The following LTBP1 variants were observed in gnomAD, a reference collection of about 807,000 sequenced individuals.
The protein encoded by LTBP1 is latent-transforming growth factor beta-binding protein 1.
Under a neutral mutation model 207.6 loss-of-function variants are expected in LTBP1, and 129 were observed. That is an observed-to-expected ratio of 0.62 (90% CI 0.54 to 0.72). LTBP1 has a LOEUF of 0.72. Ranked by LOEUF, LTBP1 falls within the 30% of genes least tolerant of loss-of-function variation. The pLI, the probability that LTBP1 is intolerant of heterozygous loss-of-function variation, is 0.00. For synonymous variants in LTBP1, 963 were observed against 833.7 expected (o/e 1.16, Z -2.67); for missense variants, 2,281 against 2,217.2 (o/e 1.03, Z -0.58).
intron 2 of LTBP1, among the ~76,000 whole-genome samples, chr2:32,967,072 T>C (rs936074295): frequency 6.6e-6 from 1 of 152,174 alleles, no homozygotes; most frequent in Admixed American, 6.5e-5. Flanking sequence ...TTTTAAGGAA[T>C]TGATCCATTT....
At chr2:33,085,059 A>T (rs2078670983) in intron 3 of LTBP1, among the ~76,000 whole-genome samples, 1 of 152,246 alleles carries the variant, frequency 6.6e-6, no homozygotes, top group African/African-American at 2.4e-5. Flanking sequence ...TAGAAGACAC[A>T]GAAGAGAAGA....
At chr2:33,089,407 G>A (rs1030391492) in intron 3 of LTBP1, among the ~76,000 whole-genome samples, 4 of 152,160 alleles carry the variant, frequency 2.6e-5, no homozygotes, top group South Asian at 2.1e-4. Flanking sequence ...TGCCCTCCAC[G>A]TGACATGTGG....
At chr2:33,035,569 G>A (rs1558542702) in intron 3 of LTBP1, among the ~76,000 whole-genome samples, 1 of 152,082 alleles carries the variant, frequency 6.6e-6, no homozygotes, top group African/African-American at 2.4e-5. Flanking sequence ...ATTCTTTTTG[G>A]GTTGTTTTAT....
At chr2:33,354,713 CA>C (rs2094833557) in intron 26 of LTBP1, among the ~76,000 whole-genome samples, 4 of 135,052 alleles carry the variant, frequency 3.0e-5, no homozygotes, top group Admixed American at 7.6e-5. Flanking sequence ...CACACACACA[CA>C]CACACACACA....
chr2:33,240,068 A>G (rs2092247780), intron 9 of LTBP1, among the ~76,000 whole-genome samples: 1 of 152,230 alleles, frequency 6.6e-6, no homozygotes, highest in Non-Finnish European at 1.5e-5. Flanking sequence ...TAGGCAATGA[A>G]GTCCAAATAG....
In LTBP1 at chr2:33,211,517, G is replaced by A. The variant is rs750541317; in HGVS notation, c.1702-6035G>A. Among the ~76,000 whole-genome samples, 5 of 152,158 alleles carry A rather than the reference G, an allele frequency of 3.3e-5. No individual in the cohort carries two copies. The South Asian group carries it at 1.0e-3, about 32-fold the overall frequency. On this transcript the variant is annotated intron_variant, in intron 7 of 33. Transcript: ENST00000404816. ...GATTACTGGCTCAGAGAGGTTGGATGATTTGCTGAACTTCTCACTGCTAGT... is the reference window on the plus strand; with the variant it reads ...GATTACTGGCTCAGAGAGGTTGGATAATTTGCTGAACTTCTCACTGCTAGT...
intron 19 of LTBP1, among the ~76,000 whole-genome samples, chr2:33,289,827 A>G (rs1440102308): frequency 6.6e-6 from 1 of 152,208 alleles, no homozygotes; most frequent in Non-Finnish European, 1.5e-5. Context: ...GAGCTCTACC[A>G]TGAAAACCAG....
At chr2:33,067,601 A>G (rs1418586991) in intron 3 of LTBP1, among the ~76,000 whole-genome samples, 1 of 152,224 alleles carries the variant, frequency 6.6e-6, no homozygotes, top group African/African-American at 2.4e-5. Flanking sequence ...CTTTTTGATC[A>G]TTATTCTCTA....
chr2:33,263,532 C>G, intron 15 of LTBP1, 140 bp downstream of exon 15: 1 of 576,522 alleles, frequency 1.7e-6, no homozygotes, highest in Non-Finnish European at 3.1e-6. Context: ...CATCTAAATA[C>G]AGTTAAAAAG....
chr2:33,040,764 T>C (rs2076143886), intron 3 of LTBP1, among the ~76,000 whole-genome samples: 1 of 152,138 alleles, frequency 6.6e-6, no homozygotes, highest in Non-Finnish European at 1.5e-5. Context: ...CATAGAGCAG[T>C]TGGAACAGAG....
At chr2:33,290,279 C>T (rs1424667108) in intron 19 of LTBP1, among the ~76,000 whole-genome samples, 1 of 152,194 alleles carries the variant, frequency 6.6e-6, no homozygotes, top group African/African-American at 2.4e-5. Context: ...GACAACCAAG[C>T]CTCAACATGA....
intron 2 of LTBP1, among the ~76,000 whole-genome samples, chr2:32,981,839 G>T (rs149741885): frequency 6.6e-6 from 1 of 152,164 alleles, no homozygotes. Flanking sequence ...CATGTAAGAC[G>T]TGCTTTTGCT....
rs755289368 is a variant in LTBP1, at chr2:32,947,713, C to G, written c.389C>G (p.Pro130Arg). 12 of 1,532,926 alleles carry G rather than the reference C, an allele frequency of 7.8e-6. No homozygotes were observed. The East Asian group carries it at 2.2e-4, about 28-fold the overall frequency. 95.0% of individuals were successfully genotyped at this position (1,532,926 alleles called of 1,614,324 possible). The change falls in exon 1 of 34, where the codon CCG (proline) becomes CGG (arginine). Residue 130 changes from proline to arginine, a missense_variant. Physicochemically the swap from Pro to Arg is moderately radical, Grantham distance 103. This residue lies in a region of LTBP1 where 555 missense variants were observed against 491.0 expected (regional missense o/e 1.13). Transcript: ENST00000404816. ...CCCGGCGGCCACCCGGCAGCCGCCC[C>G]GTTCACCAAACAAGGCAGGCAAGTT... is the stretch of plus-strand genomic sequence containing the variant. ...PNPGGHPAAA[P>R]FTKQGRQVVR...
intron 18 of LTBP1, among the ~76,000 whole-genome samples, chr2:33,277,318 A>G (rs2093446054): frequency 6.6e-6 from 1 of 152,102 alleles, no homozygotes; most frequent in Non-Finnish European, 1.5e-5. Flanking sequence ...GAGGGCCACG[A>G]GGCTACAGAA....
At chr2:32,975,590 T>TG (rs1681612002) in intron 2 of LTBP1, among the ~76,000 whole-genome samples, 42 of 46,454 alleles carry the variant, frequency 9.0e-4, no homozygotes, top group African/African-American at 2.4e-3. Flanking sequence ...TTTGTTTTTT[T>TG]TTTTTTTTTT....
chr2:33,181,085 G>T (rs1010727170), intron 5 of LTBP1, among the ~76,000 whole-genome samples: 1 of 152,170 alleles, frequency 6.6e-6, no homozygotes, highest in Non-Finnish European at 1.5e-5. Context: ...AACTTGAAAT[G>T]GTCTGTCTGC....
intron 31 of LTBP1, among the ~76,000 whole-genome samples, chr2:33,388,068 T>C (rs2095283268): frequency 6.6e-6 from 1 of 152,210 alleles, no homozygotes; most frequent in East Asian, 1.9e-4. Context: ...AGGCTGTCCT[T>C]TCTACAGCTT....
intron 3 of LTBP1, among the ~76,000 whole-genome samples, chr2:33,049,453 A>G (rs992758385): frequency 2.0e-5 from 3 of 152,214 alleles, no homozygotes; most frequent in African/African-American, 7.2e-5. Context: ...GCTAGGCCGG[A>G]CACTAAAACT....
At chr2:32,972,780 A>G (rs949363159) in intron 2 of LTBP1, among the ~76,000 whole-genome samples, 45 of 152,262 alleles carry the variant, frequency 3.0e-4, no homozygotes, top group Non-Finnish European at 5.6e-4. Flanking sequence ...TCCTGCTGCC[A>G]TGTAAGATGT....
Sources: allele counts gnomAD v4.1 joint callset (sites outside exome capture counted in the v4.1 genomes callset), GRCh38; gene constraint gnomAD v4.1.1; regional missense constraint gnomAD v4.1.1; transcripts MANE v1.5; gene names NCBI Gene and HGNC (gene_info 2026-07-23, HGNC 2026-07-21).